CECR2: variants seen among roughly 807,000 people sequenced by gnomAD.
CECR2 encodes the protein CECR2 histone acetyl-lysine reader.
A neutral mutation model predicts 154.5 loss-of-function variants in CECR2; 30 were observed. The observed-to-expected ratio is 0.19, with a 90% CI of 0.15 to 0.26. The LOEUF is 0.26. Ranked by LOEUF, CECR2 falls within the 10% of genes least tolerant of loss-of-function variation. The pLI, the probability that CECR2 is intolerant of heterozygous loss-of-function variation, is 1.00. For synonymous variants in CECR2, 725 were observed against 683.7 expected (o/e 1.06, Z -0.94); for missense variants, 1,743 against 1,829.3 (o/e 0.95, Z 0.86).
chr22:17,521,773 G>A (rs902306981), intron 8 of CECR2, among the ~76,000 whole-genome samples: 78 of 152,222 alleles, frequency 5.1e-4, no homozygotes, highest in African/African-American at 1.9e-3. Context: ...CCATTTGTCT[G>A]TTTTGGCTTT....
At position 17,480,419 on chromosome 22, in the gene CECR2, T is replaced by TACACACACACACAC. The variant is rs55977287; in HGVS notation, c.221+2765_221+2778dup. Among the ~76,000 whole-genome samples, 1,141 of 137,378 alleles carry TACACACACACACAC rather than the reference T, an allele frequency of 8.3e-3. 12 individuals are homozygous for TACACACACACACAC. Among genetic ancestry groups the TACACACACACACAC allele is most frequent in the East Asian group, 0.037 (169 of 4,594 alleles). The allele number at this position is 137,378 out of a possible 152,430, so 90.1% of individuals were successfully genotyped here. A position where few individuals can be genotyped will look rare whatever the true frequency, so the allele number is the denominator to read the frequency against. On this transcript the variant is annotated intron_variant, in intron 2 of 18. Transcript: ENST00000262608. ...CTTGAAACTTACTACTCATGTATAA[T>TACACACACACACAC]ACACACACACACACACACACACACA... is the stretch of plus-strand genomic sequence containing the variant.
At chr22:17,383,372 A>G (rs2063221971) in intron 1 of CECR2, among the ~76,000 whole-genome samples, 1 of 152,214 alleles carries the variant, frequency 6.6e-6, no homozygotes, top group Admixed American at 6.5e-5. Context: ...ACCCACAGTA[A>G]AACTTCTTTC....
chr22:17,366,918 G>C (rs2063004727), upstream of CECR2, among the ~76,000 whole-genome samples: 1 of 152,156 alleles, frequency 6.6e-6, no homozygotes, highest in Non-Finnish European at 1.5e-5. Flanking sequence ...GGTAGGTGGA[G>C]GAACTAGGGA....
At chr22:17,445,194 G>A (rs1423050150) in intron 1 of CECR2, among the ~76,000 whole-genome samples, 1 of 152,152 alleles carries the variant, frequency 6.6e-6, no homozygotes, top group African/African-American at 2.4e-5. Flanking sequence ...AAGATCTATA[G>A]GTTTTCATTT....
chr22:17,510,847 C>T (rs950180741), intron 7 of CECR2, among the ~76,000 whole-genome samples: 14 of 152,218 alleles, frequency 9.2e-5, no homozygotes, highest in South Asian at 2.1e-4. Context: ...CTTCGTGATC[C>T]GCTCACCTCG....
chr22:17,429,877 A>C (rs1379893145), intron 1 of CECR2, among the ~76,000 whole-genome samples: 2 of 152,174 alleles, frequency 1.3e-5, no homozygotes, highest in Middle Eastern at 3.2e-3. Flanking sequence ...TGGCTGGTGG[A>C]AGACTAAGCC....
At chr22:17,509,411 T>C (rs1237336146) in intron 7 of CECR2, among the ~76,000 whole-genome samples, 1 of 147,112 alleles carries the variant, frequency 6.8e-6, no homozygotes, top group Non-Finnish European at 1.5e-5. Flanking sequence ...CCATTCCATT[T>C]CACCTTGTTT....
intron 2 of CECR2, among the ~76,000 whole-genome samples, chr22:17,488,472 A>G (rs549673211): frequency 6.6e-6 from 1 of 152,320 alleles, no homozygotes; most frequent in Admixed American, 6.5e-5. Flanking sequence ...TACATTGTAC[A>G]CCTGGCAACC....
rs922505169 is a variant in CECR2 at position 17,512,002 on chromosome 22, T to C, written c.954+106T>C. On this transcript the variant is annotated intron_variant, in intron 8 of 18. Coordinates refer to ENST00000262608, the MANE Select transcript of CECR2 (RefSeq NM_001290047.2). ...TTTTATTTTCCTTCATTTTTTTTCC[T>C]AAACCCCAAATGTTTATTTAGCAAT... 6 of 850,212 alleles carry C rather than the reference T, an allele frequency of 7.1e-6. No individual in the cohort carries two copies. In the East Asian group the frequency reaches 1.5e-4, roughly 22 times the overall value. 52.7% of individuals were successfully genotyped at this position (850,212 alleles called of 1,614,324 possible). A position where few individuals can be genotyped will look rare whatever the true frequency, so the allele number is the denominator to read the frequency against.
chr22:17,508,278 A>G (rs2055882074), intron 7 of CECR2, among the ~76,000 whole-genome samples: 1 of 152,022 alleles, frequency 6.6e-6, no homozygotes, highest in South Asian at 2.1e-4. Context: ...ACAGCAGTGT[A>G]CTGTAATGTC....
At chr22:17,527,884 G>T (rs2056291508) in intron 9 of CECR2, among the ~76,000 whole-genome samples, 2 of 152,124 alleles carry the variant, frequency 1.3e-5, no homozygotes, top group Admixed American at 6.6e-5. Context: ...AGTTAAAATG[G>T]TTTATACCCA....
At chr22:17,484,184 C>A (rs575961192) in intron 2 of CECR2, among the ~76,000 whole-genome samples, 1 of 152,172 alleles carries the variant, frequency 6.6e-6, no homozygotes, top group African/African-American at 2.4e-5. Flanking sequence ...TTAAGCAATG[C>A]GTGGCTATTT....
intron 8 of CECR2, among the ~76,000 whole-genome samples, chr22:17,512,707 GAAAAA>G (rs774207282): frequency 4.9e-5 from 6 of 122,468 alleles, no homozygotes; most frequent in East Asian, 4.6e-4. Flanking sequence ...CTCTGTCTCA[GAAAAA>G]AAAAAAAAAA....
chr22:17,447,500 A>G (rs2146686892), intron 1 of CECR2, among the ~76,000 whole-genome samples: 1 of 152,142 alleles, frequency 6.6e-6, no homozygotes, highest in South Asian at 2.1e-4. Context: ...GTGCGTTTAC[A>G]GTACCACTGC....
At chr22:17,552,633 A>G (rs761714914) in intron 18 of CECR2, among the ~76,000 whole-genome samples, 8 of 152,096 alleles carry the variant, frequency 5.3e-5, no homozygotes, top group Non-Finnish European at 1.2e-4. Flanking sequence ...AAGTCCTACT[A>G]CTGTTAAGCA....
intron 2 of CECR2, among the ~76,000 whole-genome samples, chr22:17,493,336 G>A (rs2146854730): frequency 6.6e-6 from 1 of 152,274 alleles, no homozygotes; most frequent in East Asian, 1.9e-4. Context: ...TTTTCTGGGG[G>A]AGAAAGTATG....
intron 1 of CECR2, among the ~76,000 whole-genome samples, chr22:17,374,912 C>T (rs188817046): frequency 1.1e-3 from 169 of 152,100 alleles, no homozygotes; most frequent in Non-Finnish European, 1.2e-3. Context: ...CAAATTCTGC[C>T]TGTTTCTACC....
intron 5 of CECR2, among the ~76,000 whole-genome samples, chr22:17,502,720 T>G (rs1296751): frequency 0.46 from 70,584 of 151,990 alleles, 17,536 homozygotes; most frequent in Middle Eastern, 0.66. Flanking sequence ...GGAGAATCAT[T>G]TGAACCTGGG....
intron 8 of CECR2, among the ~76,000 whole-genome samples, chr22:17,516,442 T>C (rs2146940720): frequency 6.6e-6 from 1 of 152,224 alleles, no homozygotes; most frequent in South Asian, 2.1e-4. Context: ...TAGAAAAGTA[T>C]TGATATGGTT....
Sources: gnomAD v4.1 joint callset for allele counts (sites outside exome capture counted in the v4.1 genomes callset) on GRCh38, gnomAD v4.1.1 for gene constraint, MANE v1.5 for transcripts, NCBI Gene and HGNC (gene_info 2026-07-23, HGNC 2026-07-21) for gene names.